FBXO17: variants seen among roughly 807,000 people sequenced by gnomAD.
FBXO17 encodes F-box only protein 17.
In FBXO17, 43 loss-of-function variants were observed where a neutral mutation model predicts 34.1. That is an observed-to-expected ratio of 1.26 (90% confidence interval 0.99 to 1.62). FBXO17 has a LOEUF of 1.62. Ranked by LOEUF, FBXO17 falls within the 40% of genes most tolerant of loss-of-function variation. The probability of loss-of-function intolerance (pLI) is 0.00; values close to 1 mark genes in which losing one functional copy is unlikely to be tolerated. For synonymous variants in FBXO17, 169 were observed against 166.0 expected (o/e 1.02, Z -0.14); for missense variants, 424 against 386.7 (o/e 1.10, Z -0.81).
At chr19:38,966,646 C>A (rs1278958869) in intron 1 of FBXO17, among the ~76,000 whole-genome samples, 1 of 151,952 alleles carries the variant, frequency 6.6e-6, no homozygotes, top group East Asian at 1.9e-4. Flanking sequence ...CAGAAAAACG[C>A]CTCTTTCAAA....
At chr19:38,968,140 G>A (rs1975344277) in intron 1 of FBXO17, among the ~76,000 whole-genome samples, 1 of 152,036 alleles carries the variant, frequency 6.6e-6, no homozygotes. Context: ...CCAACATGGT[G>A]AAACCCTGTC....
chr19:38,957,109 AT>A (rs1432790312), intron 1 of FBXO17, among the ~76,000 whole-genome samples: 5 of 151,736 alleles, frequency 3.3e-5, no homozygotes, highest in Non-Finnish European at 1.5e-5. Flanking sequence ...TCTGAGTTGC[AT>A]TAATAGTTCA....
At chr19:38,944,899 G>T in intron 5 of FBXO17, 70 bp downstream of exon 5, 1 of 1,584,388 alleles carries the variant, frequency 6.3e-7, no homozygotes, top group South Asian at 1.1e-5. Flanking sequence ...AAGGGAAACC[G>T]AGCAGACGAG....
rs1346591535 is a variant in FBXO17, at chr19:38,975,618, C to A, written c.-50G>T. 6.6e-6 allele frequency: 1 copy of A among 152,426 alleles called. No individual in the cohort carries two copies. The highest frequency in any genetic ancestry group is 1.5e-5 in the Non-Finnish European group (1 of 68,242). The allele number at this position is 152,426 out of a possible 1,614,324, so 9.4% of individuals were successfully genotyped here. A position where few individuals can be genotyped will look rare whatever the true frequency, so the allele number is the denominator to read the frequency against. ...GCTGCTCGGAGGCGGCAGCGGCGGG[C>A]TAAGCTTCCCTTTCCCACTTTGTTC... On this transcript the variant is annotated 5_prime_UTR_variant, in exon 1 of 6. Transcript: ENST00000292852. The surrounding 1 kb of genome is among the most constrained non-coding windows in gnomAD (Gnocchi z 4.9).
At chr19:38,943,519 C>T (rs951491779) in intron 5 of FBXO17, among the ~76,000 whole-genome samples, 6 of 151,968 alleles carry the variant, frequency 3.9e-5, no homozygotes, top group African/African-American at 1.2e-4. Flanking sequence ...AGGTGATCCA[C>T]CCGCCATGGT....
In FBXO17 at chr19:38,950,159, T is replaced by C; in HGVS notation, c.161A>G (p.Asp54Gly). The stretch of plus-strand genomic sequence containing the variant: ...CTGCAGCAGCCACACAGTGGGCCCG[T>C]CCACTATGTCGCGCCAGGCGCGGCA... The part of the protein sequence containing the change: ...PVCRAWRDIV[D>G]GPTVWLLQLA... Residue 54 changes from aspartate (D) to glycine (G), a missense_variant, in exon 2 of 6, where the codon GAC becomes GGC. Physicochemically the swap from Asp to Gly is moderately conservative, Grantham distance 94. Coordinates refer to ENST00000292852, the MANE Select transcript of FBXO17 (RefSeq NM_024907.7). The C allele has an allele frequency of 6.4e-7, 1 of 1,561,318 alleles. No homozygotes were observed.
intron 3 of FBXO17, chr19:38,946,962 A>G (rs1442246976): frequency 3.0e-5 from 6 of 201,772 alleles, no homozygotes; most frequent in South Asian, 9.8e-5. Flanking sequence ...GGATCAGCCA[A>G]TGGGATGCTC....
chr19:38,952,814 C>T (rs769139432), intron 1 of FBXO17: 15 of 457,370 alleles, frequency 3.3e-5, no homozygotes, highest in Non-Finnish European at 6.6e-5. Context: ...GCAGCCTCTT[C>T]AGAACCTCAA....
At chr19:38,947,712 C>A (rs1459863217) in intron 3 of FBXO17, among the ~76,000 whole-genome samples, 1 of 152,012 alleles carries the variant, frequency 6.6e-6, no homozygotes. Context: ...TTTTTCTTTT[C>A]TTTTGAGTCA....
intron 1 of FBXO17, among the ~76,000 whole-genome samples, chr19:38,973,586 A>G (rs1457459097): frequency 6.6e-6 from 1 of 152,230 alleles, no homozygotes; most frequent in African/African-American, 2.4e-5. Context: ...GAAAAAATTA[A>G]GGCAAACTTT....
chr19:38,971,749 T>A (rs1975393641), intron 1 of FBXO17, among the ~76,000 whole-genome samples: 1 of 150,844 alleles, frequency 6.6e-6, no homozygotes, highest in African/African-American at 2.4e-5. Flanking sequence ...ACTGTGCCAC[T>A]GCACTCCAGC....
intron 1 of FBXO17, among the ~76,000 whole-genome samples, chr19:38,962,403 C>A (rs1292130301): frequency 1.3e-5 from 2 of 152,164 alleles, no homozygotes; most frequent in African/African-American, 4.8e-5. Flanking sequence ...CTGACTCCTA[C>A]ATGCGTGCGG....
At chr19:38,967,533 T>C (rs938341322) in intron 1 of FBXO17, among the ~76,000 whole-genome samples, 2 of 151,898 alleles carry the variant, frequency 1.3e-5, no homozygotes, top group Non-Finnish European at 2.9e-5. Flanking sequence ...GCACATGAAA[T>C]GATGCTCCAC....
At chr19:38,974,494 A>G (rs2144850247) in intron 1 of FBXO17, among the ~76,000 whole-genome samples, 1 of 152,312 alleles carries the variant, frequency 6.6e-6, no homozygotes, top group Admixed American at 6.5e-5. Context: ...AAATTATTTT[A>G]TGTTAGAAAA....
At chr19:38,958,740 T>G (rs1318642161) in intron 1 of FBXO17, among the ~76,000 whole-genome samples, 1 of 152,154 alleles carries the variant, frequency 6.6e-6, no homozygotes, top group Non-Finnish European at 1.5e-5. Context: ...TTTTCAAAAG[T>G]GGCTATGAGA....
At chr19:38,956,947 T>G (rs544993358) in intron 1 of FBXO17, among the ~76,000 whole-genome samples, 1 of 152,272 alleles carries the variant, frequency 6.6e-6, no homozygotes, top group East Asian at 1.9e-4. Flanking sequence ...TAATTTAGTG[T>G]TTCACATTAA....
Position 38,975,183 on chromosome 19 carries a change from G to A in FBXO17, c.-18+403C>T, listed in dbSNP as rs980394909. Among the ~76,000 whole-genome samples, 23 of 152,172 alleles carry A rather than the reference G, an allele frequency of 1.5e-4. No homozygotes were observed. The highest frequency in any genetic ancestry group is 2.1e-4 in the South Asian group (1 of 4,832). ...CACAGATTCTGCGAAGGGACTGACG[G>A]CCAGAAGACAGAAAATCCAGCAACG... On this transcript the variant is annotated intron_variant, in intron 1 of 5. Transcript: ENST00000292852. This position sits in a 1 kb window ranked among gnomAD's most constrained non-coding sequence, Gnocchi z 4.9.
chr19:38,959,816 T>A (rs1186312860), intron 1 of FBXO17, among the ~76,000 whole-genome samples: 1 of 152,038 alleles, frequency 6.6e-6, no homozygotes, highest in Admixed American at 6.6e-5. Context: ...GGATTGCTTG[T>A]GGCCAGGAGT....
chr19:38,963,943 C>T (rs2144837546), intron 1 of FBXO17, among the ~76,000 whole-genome samples: 1 of 151,994 alleles, frequency 6.6e-6, no homozygotes, highest in South Asian at 2.1e-4. Context: ...GCCACCACAC[C>T]TAGTTAATTT....
Sources: gnomAD v4.1 joint callset for allele counts (sites outside exome capture counted in the v4.1 genomes callset) on GRCh38, gnomAD v4.1.1 for gene constraint, Gnocchi (gnomAD v3.1) non-coding constraint, MANE v1.5 for transcripts, NCBI Gene and HGNC (gene_info 2026-07-23, HGNC 2026-07-21) for gene names.